TRAPPC9: variants seen among roughly 807,000 people sequenced by gnomAD.
TRAPPC9 encodes the protein trafficking protein particle complex subunit 9, also known as IKK2 binding protein.
A neutral mutation model predicts 124.0 loss-of-function variants in TRAPPC9; 83 were observed. That is an observed-to-expected ratio of 0.67 (90% CI 0.56 to 0.80). The LOEUF is 0.80. Ranked by LOEUF, TRAPPC9 falls within the 30% of genes least tolerant of loss-of-function variation. TRAPPC9 has a pLI of 0.00. For synonymous variants in TRAPPC9, 638 were observed against 617.5 expected (o/e 1.03, Z -0.49); for missense variants, 1,302 against 1,508.3 (o/e 0.86, Z 2.27).
At chr8:140,020,851 G>A (rs945046691) in intron 18 of TRAPPC9, among the ~76,000 whole-genome samples, 13 of 152,070 alleles carry the variant, frequency 8.5e-5, no homozygotes, top group Non-Finnish European at 1.9e-4. Flanking sequence ...TGATCATTAT[G>A]TACTTTTGAT....
At chr8:139,880,310 T>C (rs538988917) in intron 21 of TRAPPC9, among the ~76,000 whole-genome samples, 2 of 152,096 alleles carry the variant, frequency 1.3e-5, no homozygotes, top group Non-Finnish European at 2.9e-5. Context: ...CAGAATGCAG[T>C]AGGAGTGGAA....
intron 17 of TRAPPC9, among the ~76,000 whole-genome samples, chr8:140,137,680 C>A (rs2061326616): frequency 6.6e-6 from 1 of 152,204 alleles, no homozygotes; most frequent in African/African-American, 2.4e-5. Flanking sequence ...TCTTTAAAAT[C>A]TGAGATGCAT....
rs952718879 is a variant in TRAPPC9 at position 139,984,676 on chromosome 8, G to A, written c.2810+4050C>T. The stretch of plus-strand genomic sequence containing the variant: ...GCACTGCTCTGCACAACCCCTCCAC[G>A]GAGGCCGAGTGTGCATCTGACCCAC... On this transcript the variant is annotated intron_variant, in intron 19 of 22. Coordinates refer to ENST00000438773, the MANE Select transcript of TRAPPC9 (RefSeq NM_001160372.4). This position sits in a 1 kb window ranked among gnomAD's most constrained non-coding sequence, Gnocchi z 4.3. Among the ~76,000 whole-genome samples the A allele has an allele frequency of 6.6e-6, 1 of 152,158 alleles. No homozygotes were observed. Among genetic ancestry groups the A allele is most frequent in the African/African-American group, 2.4e-5 (1 of 41,446 alleles).
chr8:139,868,506 C>T (rs1461578666), intron 21 of TRAPPC9, among the ~76,000 whole-genome samples: 1 of 152,128 alleles, frequency 6.6e-6, no homozygotes, highest in Admixed American at 6.5e-5. Context: ...AGTCAGCAGA[C>T]CAAGGCTTGA....
intron 21 of TRAPPC9, among the ~76,000 whole-genome samples, chr8:139,802,544 G>A (rs971158436): frequency 6.6e-6 from 1 of 152,204 alleles, no homozygotes; most frequent in African/African-American, 2.4e-5. Flanking sequence ...TTTGAAATGA[G>A]GTTGCTACTA....
At chr8:140,299,883 A>G (rs1453001690) in intron 11 of TRAPPC9, among the ~76,000 whole-genome samples, 1 of 152,212 alleles carries the variant, frequency 6.6e-6, no homozygotes, top group East Asian at 1.9e-4. Flanking sequence ...CTGTGTTCAC[A>G]AAAGAACATA....
At chr8:139,774,210 T>C (rs1031320171) in intron 21 of TRAPPC9, among the ~76,000 whole-genome samples, 2 of 152,028 alleles carry the variant, frequency 1.3e-5, no homozygotes, top group South Asian at 4.2e-4. Flanking sequence ...CAGAGGGTCA[T>C]AGATGGATTT....
intron 21 of TRAPPC9, among the ~76,000 whole-genome samples, chr8:139,740,650 C>A (rs4736299): frequency 2.0e-5 from 3 of 152,130 alleles, no homozygotes; most frequent in Non-Finnish European, 2.9e-5. Context: ...TCCGGGAGCC[C>A]TGTCCTGGAG....
At chr8:139,914,723 T>C (rs892296607) in intron 19 of TRAPPC9, 7 of 152,250 alleles carry the variant, frequency 4.6e-5, no homozygotes, top group African/African-American at 1.7e-4. Flanking sequence ...GCTTTCTCAA[T>C]GAGCAAGCTA....
chr8:140,027,320 G>A (rs1840209031), intron 17 of TRAPPC9, among the ~76,000 whole-genome samples: 1 of 152,220 alleles, frequency 6.6e-6, no homozygotes, highest in Non-Finnish European at 1.5e-5. Flanking sequence ...TCAAAATGCA[G>A]GCACAGTGGT....
chr8:140,262,815 A>C (rs947239769), intron 15 of TRAPPC9: 3 of 152,198 alleles, frequency 2.0e-5, no homozygotes, highest in African/African-American at 7.2e-5. Context: ...GGTAAGTGTT[A>C]TTGTAACAGA....
chr8:139,968,148 C>CA (rs11299764), intron 19 of TRAPPC9, among the ~76,000 whole-genome samples: 52,651 of 138,200 alleles, frequency 0.38, 10,600 homozygotes, highest in Non-Finnish European at 0.47. Context: ...GACTCTGTCT[C>CA]AAAAAAAAAA....
chr8:140,135,265 A>G (rs1005788990), intron 17 of TRAPPC9, among the ~76,000 whole-genome samples: 1 of 152,222 alleles, frequency 6.6e-6, no homozygotes, highest in African/African-American at 2.4e-5. Flanking sequence ...GTTCCTCCAA[A>G]AACTAAGCAT....
In TRAPPC9 at chr8:140,360,169, A is replaced by G. The variant is rs1365948642; in HGVS notation, c.1376T>C (p.Val459Ala). Residue 459 changes from valine (V) to alanine (A), a missense_variant, in exon 9 of 23, where the codon GTC becomes GCC. By Grantham distance (64) the Val-to-Ala change is moderately conservative (BLOSUM62 0). This residue lies in a region of TRAPPC9 where 657 missense variants were observed against 811.2 expected (regional missense o/e 0.81). Coordinates refer to ENST00000438773, the MANE Select transcript of TRAPPC9 (RefSeq NM_001160372.4). ...CAATTCATGGAGCAAACGCATCTGG[A>G]CCGCAGCCCAGCCTCTGTGCGTGCC... The part of the protein sequence containing the change: ...SRGTHRGWAA[V>A]QMRLLHELVY... The G allele has an allele frequency of 6.2e-7, 1 of 1,614,078 alleles. No homozygotes were observed. Among genetic ancestry groups the G allele is most frequent in the African/African-American group, 1.3e-5 (1 of 74,922 alleles).
At chr8:140,045,649 A>AAAC (rs1378682208) in intron 17 of TRAPPC9, among the ~76,000 whole-genome samples, 15 of 144,072 alleles carry the variant, frequency 1.0e-4, no homozygotes, top group Middle Eastern at 3.5e-3. Flanking sequence ...AAAAAAAAAA[A>AAAC]AAAAAAAAAA....
chr8:139,732,013 G>T lies in TRAPPC9; in HGVS notation c.3245C>A (p.Ser1082Tyr). The stretch of plus-strand genomic sequence containing the variant: ...GTAGAAGGTGCTGGAGCCCACGAAG[G>T]AGACGGTGTCGTGCAGGTCGTAGTT... ...VHNYDLHDTVSFVGSSTFYLD... is the reference protein window; with the variant it reads ...VHNYDLHDTVYFVGSSTFYLD... Residue 1082 changes from serine to tyrosine, a missense_variant, in exon 22 of 23, where the codon TCC becomes TAC. Around this residue, in one of 3 missense-constraint regions of TRAPPC9, gnomAD observed 640 missense variants for 679.3 expected, o/e 0.94. Transcript: ENST00000438773. The T allele has an allele frequency of 6.3e-7, 1 of 1,598,100 alleles. No homozygotes were observed. The highest frequency in any genetic ancestry group is 8.5e-7 in the Non-Finnish European group (1 of 1,172,212).
intron 21 of TRAPPC9, among the ~76,000 whole-genome samples, chr8:139,845,321 C>A (rs1476810795): frequency 6.6e-6 from 1 of 152,188 alleles, no homozygotes; most frequent in East Asian, 1.9e-4. Context: ...CACAAACTCT[C>A]GCCTGTGCTC....
rs1053835457 is a variant in TRAPPC9, at chr8:140,063,042, G to A, written c.2557-38963C>T. ...AAGCAAGGGACCTTCTTCAGAAGGCGGCAGGAAGGAGAAGTGAATGCAGGA... is the reference window on the plus strand; with the variant it reads ...AAGCAAGGGACCTTCTTCAGAAGGCAGCAGGAAGGAGAAGTGAATGCAGGA... On this transcript the variant is annotated intron_variant, in intron 17 of 22. Coordinates refer to ENST00000438773, the MANE Select transcript of TRAPPC9 (RefSeq NM_001160372.4). The surrounding 1 kb of genome is among the most constrained non-coding windows in gnomAD (Gnocchi z 4.3). Among the ~76,000 whole-genome samples, 4 of 152,072 alleles carry A rather than the reference G, an allele frequency of 2.6e-5. No homozygotes were observed. The highest frequency in any genetic ancestry group is 5.9e-5 in the Non-Finnish European group (4 of 68,012).
chr8:140,228,045 C>T (rs1429663315), intron 16 of TRAPPC9, among the ~76,000 whole-genome samples: 1 of 152,238 alleles, frequency 6.6e-6, no homozygotes, highest in East Asian at 1.9e-4. Flanking sequence ...ACCATGCGTT[C>T]CACTAAACCG....
Sources: allele counts gnomAD v4.1 joint callset (sites outside exome capture counted in the v4.1 genomes callset), GRCh38; gene constraint gnomAD v4.1.1; regional missense constraint gnomAD v4.1.1; non-coding constraint Gnocchi (gnomAD v3.1); transcripts MANE v1.5; gene names NCBI Gene and HGNC (gene_info 2026-07-23, HGNC 2026-07-21).